Variants in GALNTL6 observed in about 807,000 individuals in gnomAD.
GALNTL6 encodes polypeptide N-acetylgalactosaminyltransferase-like 6.
In GALNTL6, 46 loss-of-function variants were observed where a neutral mutation model predicts 73.7. The ratio of observed to expected loss-of-function variants is 0.62; its 90% CI spans 0.49 to 0.80. The LOEUF (loss-of-function observed/expected upper bound fraction) is 0.80. GALNTL6 is among the 30% of genes least tolerant of loss of function. The pLI, the probability that GALNTL6 is intolerant of heterozygous loss-of-function variation, is 0.00. For missense variants in GALNTL6, 604 were observed against 755.0 expected (o/e 0.80, Z 2.34); for synonymous variants, 259 against 263.7 (o/e 0.98, Z 0.17).
intron 3 of GALNTL6, among the ~76,000 whole-genome samples, chr4:172,246,476 A>C (rs1305537564): frequency 6.6e-6 from 1 of 152,158 alleles, no homozygotes; most frequent in Admixed American, 6.6e-5. Context: ...ATTGATATTT[A>C]ATTTTAGTGA....
At chr4:172,011,462 C>G (rs958870187) in intron 2 of GALNTL6, among the ~76,000 whole-genome samples, 4 of 151,966 alleles carry the variant, frequency 2.6e-5, no homozygotes, top group South Asian at 2.1e-4. Flanking sequence ...ATGCAAGAAC[C>G]TTTAGAAAGA....
At chr4:171,940,397 T>C (rs1738494140) in intron 2 of GALNTL6, among the ~76,000 whole-genome samples, 1 of 152,044 alleles carries the variant, frequency 6.6e-6, no homozygotes, top group South Asian at 2.1e-4. Context: ...ATAATACATA[T>C]AGTGGTTGTT....
chr4:172,868,961 A>G (rs1403818591), intron 7 of GALNTL6, among the ~76,000 whole-genome samples: 1 of 152,222 alleles, frequency 6.6e-6, no homozygotes, highest in African/African-American at 2.4e-5. Context: ...TCAGCACACC[A>G]TAATCTATCA....
chr4:172,124,328 C>T lies in GALNTL6; in HGVS notation c.139-105328C>T, dbSNP rs1733234992. Among the ~76,000 whole-genome samples the T allele has an allele frequency of 2.0e-5, 3 of 152,234 alleles. No homozygotes were observed. The South Asian group carries it at 6.2e-4, about 32-fold the overall frequency. On this transcript the variant is annotated intron_variant, in intron 2 of 12. Transcript: ENST00000506823. ...TAATATCTCTATAGGACAAGAGTTCCATTTTTTGAGGCTCTCTCAAGGCCC... is the reference window on the plus strand; with the variant it reads ...TAATATCTCTATAGGACAAGAGTTCTATTTTTTGAGGCTCTCTCAAGGCCC...
chr4:171,998,826 T>G (rs1579046034), intron 2 of GALNTL6, among the ~76,000 whole-genome samples: 1 of 152,104 alleles, frequency 6.6e-6, no homozygotes, highest in South Asian at 2.1e-4. Context: ...AAAACTGAAA[T>G]AATGGTTGTT....
chr4:171,978,880 A>G (rs1008597587), intron 2 of GALNTL6, among the ~76,000 whole-genome samples: 2 of 152,188 alleles, frequency 1.3e-5, no homozygotes, highest in African/African-American at 4.8e-5. Context: ...TTTGATTTAT[A>G]TCTACATATA....
At chr4:171,829,358 G>A (rs1734905333) in intron 2 of GALNTL6, among the ~76,000 whole-genome samples, 1 of 152,092 alleles carries the variant, frequency 6.6e-6, no homozygotes, top group East Asian at 1.9e-4. Context: ...GTGCTTAACT[G>A]AGCAGGCTAC....
chr4:172,765,211 T>A lies in GALNTL6; in HGVS notation c.554-44150T>A, dbSNP rs114491337. 4.4e-3 allele frequency among the ~76,000 whole-genome samples: 673 copies of A among 152,228 alleles called. 5 individuals carry two copies. Among genetic ancestry groups the A allele is most frequent in the African/African-American group, 0.015 (643 of 41,526 alleles). On this transcript the variant is annotated intron_variant, in intron 5 of 12. Transcript: ENST00000506823. ...ACAGACAGAGAGAAATACATTTGTA[T>A]TACATGGAGAATGCAGAAGGATCAA...
Position 172,184,979 on chromosome 4 carries a change from G to A in GALNTL6, c.139-44677G>A, listed in dbSNP as rs140792586. ...TTCACTTCCCAACACTGTTGCATTG[G>A]GAATTAAGTTTCCAATACATACAGT... On this transcript the variant is annotated intron_variant, in intron 2 of 12. Coordinates refer to ENST00000506823, the MANE Select transcript of GALNTL6 (RefSeq NM_001034845.3). Among the ~76,000 whole-genome samples, 1,048 of 152,222 alleles carry A rather than the reference G, an allele frequency of 6.9e-3. 6 individuals carry two copies. Among genetic ancestry groups the A allele is most frequent in the Non-Finnish European group, 0.012 (785 of 68,028 alleles).
At chr4:172,348,187 A>G (rs946945571) in intron 4 of GALNTL6, among the ~76,000 whole-genome samples, 1 of 152,236 alleles carries the variant, frequency 6.6e-6, no homozygotes, top group Non-Finnish European at 1.5e-5. Flanking sequence ...TGCTCCATGG[A>G]AACAGTTTTA....
In GALNTL6 at chr4:172,348,554, C is replaced by A; in HGVS notation, c.418C>A (p.Pro140Thr). 1 of 1,612,686 alleles carries A rather than the reference C, an allele frequency of 6.2e-7. No individual in the cohort carries two copies. Among genetic ancestry groups the A allele is most frequent in the Non-Finnish European group, 8.5e-7 (1 of 1,179,068 alleles). Residue 140 changes from proline (P) to threonine (T), a missense_variant, in exon 5 of 13, where the codon CCA becomes ACA. Pro to Thr is a conservative substitution (Grantham distance 38). Coordinates refer to ENST00000506823, the MANE Select transcript of GALNTL6 (RefSeq NM_001034845.3). Reference sequence around the variant, plus strand: ...GCATAAGATGTATCTGGAAAGGCTGCCAAACACCAGCATCATTATCCCATT... The same window carrying A: ...GCATAAGATGTATCTGGAAAGGCTGACAAACACCAGCATCATTATCCCATT... ...CKHKMYLERL[P>T]NTSIIIPFHN...
intron 5 of GALNTL6, among the ~76,000 whole-genome samples, chr4:172,682,468 G>A (rs1732681751): frequency 6.6e-6 from 1 of 152,116 alleles, no homozygotes; most frequent in South Asian, 2.1e-4. Flanking sequence ...ATAGTAATGT[G>A]TCTGTAATAA....
intron 2 of GALNTL6, among the ~76,000 whole-genome samples, chr4:171,902,990 A>C (rs563637902): frequency 1.3e-5 from 2 of 152,302 alleles, no homozygotes; most frequent in East Asian, 3.9e-4. Context: ...GTCATTCTTC[A>C]TTACAATCAT....
At chr4:172,176,826 T>C (rs1323132370) in intron 2 of GALNTL6, among the ~76,000 whole-genome samples, 1 of 152,178 alleles carries the variant, frequency 6.6e-6, no homozygotes, top group Non-Finnish European at 1.5e-5. Flanking sequence ...ATTTTCATGT[T>C]GTTATGAAAC....
intron 2 of GALNTL6, among the ~76,000 whole-genome samples, chr4:172,117,979 C>A (rs572452754): frequency 6.6e-6 from 1 of 152,174 alleles, no homozygotes; most frequent in South Asian, 2.1e-4. Context: ...TTCTATGACA[C>A]CCTAGGGTTA....
At chr4:171,969,570 G>A (rs1395978835) in intron 2 of GALNTL6, among the ~76,000 whole-genome samples, 1 of 152,134 alleles carries the variant, frequency 6.6e-6, no homozygotes, top group Non-Finnish European at 1.5e-5. Context: ...TACTTGTTCT[G>A]TATTTTTACT....
intron 5 of GALNTL6, among the ~76,000 whole-genome samples, chr4:172,614,268 T>A (rs1471092263): frequency 6.6e-6 from 1 of 152,092 alleles, no homozygotes; most frequent in Non-Finnish European, 1.5e-5. Flanking sequence ...TAGAAAAAAA[T>A]TGTCTCTCTA....
intron 2 of GALNTL6, among the ~76,000 whole-genome samples, chr4:171,824,638 T>C (rs2110811250): frequency 6.6e-6 from 1 of 152,246 alleles, no homozygotes. Flanking sequence ...TCTAGAAAGT[T>C]AAGATTGGAA....
chr4:172,367,096 T>C (rs1347230870), intron 5 of GALNTL6, among the ~76,000 whole-genome samples: 1 of 152,182 alleles, frequency 6.6e-6, no homozygotes, highest in African/African-American at 2.4e-5. Context: ...ATGGCATACC[T>C]GAGTGTAAGC....
Sources: allele counts gnomAD v4.1 joint callset (sites outside exome capture counted in the v4.1 genomes callset), GRCh38; gene constraint gnomAD v4.1.1; transcripts MANE v1.5; gene names NCBI Gene and HGNC (gene_info 2026-07-23, HGNC 2026-07-21).